CACNA2D3: variants seen among roughly 807,000 people sequenced by gnomAD.
CACNA2D3 encodes the protein calcium voltage-gated channel auxiliary subunit alpha2delta 3.
CACNA2D3 carries 60 observed loss-of-function variants against 160.6 expected under a neutral mutation model. The observed-to-expected ratio is 0.37, with a 90% CI of 0.30 to 0.46. The LOEUF is 0.46. Ranked by LOEUF, CACNA2D3 falls within the 20% of genes least tolerant of loss-of-function variation. The pLI, the probability that CACNA2D3 is intolerant of heterozygous loss-of-function variation, is 1.00. For missense variants in CACNA2D3, 1,205 were observed against 1,365.0 expected, an observed-to-expected ratio of 0.88 and a Z score of 1.85; for synonymous variants, 558 against 492.9, an observed-to-expected ratio of 1.13 and a Z score of -1.75.
intron 11 of CACNA2D3, among the ~76,000 whole-genome samples, chr3:54,722,549 A>G (rs1301489664): frequency 6.6e-6 from 1 of 152,136 alleles, no homozygotes; most frequent in Non-Finnish European, 1.5e-5. Context: ...TTGTGGAGTT[A>G]TCTACCTTTG....
intron 35 of CACNA2D3, among the ~76,000 whole-genome samples, chr3:55,072,055 A>C (rs1704821974): frequency 6.6e-6 from 1 of 152,248 alleles, no homozygotes. Flanking sequence ...GTCTAGTGTT[A>C]AAGAGGGAAG....
chr3:54,731,696 A>G (rs1000341963), intron 11 of CACNA2D3, among the ~76,000 whole-genome samples: 2 of 151,980 alleles, frequency 1.3e-5, no homozygotes, highest in Admixed American at 6.6e-5. Flanking sequence ...AATACCTACA[A>G]ATTCCACCCT....
chr3:54,316,932 A>T (rs772861838), intron 2 of CACNA2D3, among the ~76,000 whole-genome samples: 18 of 152,196 alleles, frequency 1.2e-4, no homozygotes, highest in Non-Finnish European at 2.2e-4. Flanking sequence ...TGTGAAATCC[A>T]TTTTATTTTT....
intron 4 of CACNA2D3, among the ~76,000 whole-genome samples, chr3:54,411,423 A>G (rs529127504): frequency 2.6e-5 from 4 of 152,332 alleles, no homozygotes; most frequent in East Asian, 3.9e-4. Flanking sequence ...AGTCACTCCA[A>G]CCTTTAGCAA....
intron 2 of CACNA2D3, among the ~76,000 whole-genome samples, chr3:54,147,132 T>C (rs1700046520): frequency 6.6e-6 from 1 of 152,158 alleles, no homozygotes; most frequent in African/African-American, 2.4e-5. Flanking sequence ...GAGTGAGAGC[T>C]GGGGGTGAGG....
intron 4 of CACNA2D3, among the ~76,000 whole-genome samples, chr3:54,462,665 G>T (rs1390332415): frequency 1.3e-5 from 2 of 152,162 alleles, no homozygotes; most frequent in Non-Finnish European, 2.9e-5. Context: ...GAACCCATGT[G>T]TGTCTCTGCA....
At chr3:54,670,276 C>A (rs1357303112) in intron 11 of CACNA2D3, among the ~76,000 whole-genome samples, 1 of 152,192 alleles carries the variant, frequency 6.6e-6, no homozygotes, top group African/African-American at 2.4e-5. Context: ...TGTGTCGGCA[C>A]AAGCTGTTAA....
chr3:54,998,345 G>C (rs950918776), intron 31 of CACNA2D3, among the ~76,000 whole-genome samples: 3 of 152,062 alleles, frequency 2.0e-5, no homozygotes, highest in South Asian at 2.1e-4. Flanking sequence ...TGTTGGCCAG[G>C]CTAGTCTTGA....
chr3:54,589,950 C>T (rs1702829084), intron 9 of CACNA2D3, among the ~76,000 whole-genome samples: 1 of 152,174 alleles, frequency 6.6e-6, no homozygotes, highest in South Asian at 2.1e-4. Flanking sequence ...TCACACATTG[C>T]TGTGGGAATG....
intron 2 of CACNA2D3, among the ~76,000 whole-genome samples, chr3:54,234,729 G>A (rs1701842233): frequency 6.6e-6 from 1 of 152,134 alleles, no homozygotes; most frequent in South Asian, 2.1e-4. Context: ...GGAGCAGGAG[G>A]TTATTAGTCT....
In CACNA2D3 at chr3:54,145,886, G is replaced by A. The variant is rs930761475; in HGVS notation, c.204+22292G>A. ...TTTAGCCTTCACGTCTCTTAATATCGCTTTCATATTTTCTCTTTATCTTTC... is the reference window on the plus strand; with the variant it reads ...TTTAGCCTTCACGTCTCTTAATATCACTTTCATATTTTCTCTTTATCTTTC... On this transcript the variant is annotated intron_variant, in intron 2 of 37. Coordinates refer to ENST00000474759, the MANE Select transcript of CACNA2D3 (RefSeq NM_018398.3). Among the ~76,000 whole-genome samples, 9 of 152,086 alleles carry A rather than the reference G, an allele frequency of 5.9e-5. No homozygotes were observed. The East Asian group carries it at 1.4e-3, about 23-fold the overall frequency.
At chr3:54,195,803 G>A (rs940238997) in intron 2 of CACNA2D3, among the ~76,000 whole-genome samples, 1 of 152,208 alleles carries the variant, frequency 6.6e-6, no homozygotes, top group Non-Finnish European at 1.5e-5. Flanking sequence ...AGTGTGTACA[G>A]CAGCCCTGCT....
At chr3:54,888,344 G>T (rs1284642365) in intron 24 of CACNA2D3, among the ~76,000 whole-genome samples, 2 of 152,168 alleles carry the variant, frequency 1.3e-5, no homozygotes, top group Non-Finnish European at 2.9e-5. Context: ...TTCGTTGCCT[G>T]CCTCGCCACA....
chr3:54,477,245 T>C (rs966488561), intron 4 of CACNA2D3, among the ~76,000 whole-genome samples: 17 of 152,052 alleles, frequency 1.1e-4, no homozygotes, highest in African/African-American at 4.1e-4. Context: ...AACTATCCTT[T>C]TTTTTTTTCA....
intron 13 of CACNA2D3, among the ~76,000 whole-genome samples, chr3:54,801,265 G>T (rs1447406820): frequency 2.0e-5 from 3 of 152,174 alleles, no homozygotes; most frequent in Admixed American, 6.5e-5. Context: ...TGGGATTACA[G>T]GGGTGAGCCA....
chr3:54,174,055 A>G lies in CACNA2D3; in HGVS notation c.204+50461A>G, dbSNP rs150518241. ...AAACATTTTCTGTAAAGAGATGGAT[A>G]ATAAATAGTTTAGGCTTTGCAACTC... On this transcript the variant is annotated intron_variant, in intron 2 of 37. Transcript: ENST00000474759. Among the ~76,000 whole-genome samples the G allele has an allele frequency of 2.4e-4, 36 of 152,360 alleles. No individual in the cohort carries two copies. In the East Asian group the frequency reaches 5.8e-3, roughly 24 times the overall value.
chr3:54,307,530 G>C (rs557540258), intron 2 of CACNA2D3, among the ~76,000 whole-genome samples: 1 of 152,268 alleles, frequency 6.6e-6, no homozygotes, highest in African/African-American at 2.4e-5. Context: ...TTTCACAGAG[G>C]AAGCTTCCCA....
chr3:55,073,599 A>G, intron 36 of CACNA2D3, 42 bp downstream of exon 36: 3 of 1,487,162 alleles, frequency 2.0e-6, no homozygotes, highest in Non-Finnish European at 2.8e-6. Context: ...CACGGAAACC[A>G]GTAAGGGGTA....
At position 54,292,255 on chromosome 3, in the gene CACNA2D3, T is replaced by C. The variant is rs1703226030; in HGVS notation, c.205-28187T>C. ...AAGAAAACATAGATGTCAAATTTCA[T>C]GACCTTGGATTTGGCAATGAATTCT... On this transcript the variant is annotated intron_variant, in intron 2 of 37. Transcript: ENST00000474759. Among the ~76,000 whole-genome samples the C allele has an allele frequency of 3.3e-5, 5 of 152,136 alleles. 1 individual carries two copies. The South Asian group carries it at 1.0e-3, about 32-fold the overall frequency.
Sources: allele counts gnomAD v4.1 joint callset (sites outside exome capture counted in the v4.1 genomes callset), GRCh38; gene constraint gnomAD v4.1.1; transcripts MANE v1.5; gene names NCBI Gene and HGNC (gene_info 2026-07-23, HGNC 2026-07-21).